Variants in CYRIB observed in about 807,000 individuals in gnomAD.
CYRIB encodes the protein CYFIP-related Rac1 interactor B.
Under a neutral mutation model 44.2 loss-of-function variants are expected in CYRIB, and 8 were observed. That is an observed-to-expected ratio of 0.18 (90% CI 0.11 to 0.33). The LOEUF (loss-of-function observed/expected upper bound fraction) is 0.33. CYRIB is among the 10% of genes least tolerant of loss of function. The pLI is 1.00. For missense variants in CYRIB, 185 were observed against 382.8 expected (o/e 0.48, Z 4.31); for synonymous variants, 131 against 127.2 (o/e 1.03, Z -0.20).
intron 1 of CYRIB, among the ~76,000 whole-genome samples, chr8:129,938,375 T>C (rs1279062009): frequency 1.3e-5 from 2 of 152,220 alleles, no homozygotes; most frequent in Non-Finnish European, 2.9e-5. Flanking sequence ...CTTTTAGCTA[T>C]ATAAAACACT....
intron 1 of CYRIB, among the ~76,000 whole-genome samples, chr8:129,973,454 C>G (rs765002264): frequency 5.7e-4 from 87 of 152,288 alleles, no homozygotes; most frequent in Admixed American, 1.4e-3. Context: ...GGGCCAGGTG[C>G]CCCCCTGAGG....
At chr8:129,894,906 G>C (rs2067153034) in intron 2 of CYRIB, among the ~76,000 whole-genome samples, 1 of 149,852 alleles carries the variant, frequency 6.7e-6, no homozygotes, top group Admixed American at 6.7e-5. Context: ...CAAACTGAGT[G>C]TTAGAAATAT....
intron 2 of CYRIB, among the ~76,000 whole-genome samples, chr8:129,966,536 A>C (rs2095485972): frequency 6.6e-6 from 1 of 152,154 alleles, no homozygotes; most frequent in South Asian, 2.1e-4. Flanking sequence ...ACTTCTTAAA[A>C]ATTCCACACC....
At chr8:129,902,149 G>A (rs1252634198) in intron 2 of CYRIB, among the ~76,000 whole-genome samples, 1 of 152,150 alleles carries the variant, frequency 6.6e-6, no homozygotes, top group Non-Finnish European at 1.5e-5. Context: ...TAACAATTCT[G>A]AAGGACTGTC....
At chr8:129,880,488 T>C in intron 2 of CYRIB, 3 of 974,572 alleles carry the variant, frequency 3.1e-6, no homozygotes, top group Non-Finnish European at 3.7e-6. Flanking sequence ...CATCATTTAG[T>C]TCCAGTAAAA....
intron 2 of CYRIB, 137 bp downstream of exon 2, chr8:129,970,806 G>A (rs1346123948): frequency 6.6e-6 from 1 of 152,186 alleles, no homozygotes; most frequent in Non-Finnish European, 1.5e-5. Flanking sequence ...AGAGGTAGGA[G>A]GTTCTTATTT....
chr8:129,886,436 A>G (rs925489652), intron 2 of CYRIB, among the ~76,000 whole-genome samples: 1 of 152,210 alleles, frequency 6.6e-6, no homozygotes, highest in Middle Eastern at 3.2e-3. Context: ...TGGCATAAAT[A>G]CATTTATTTC....
intron 3 of CYRIB, among the ~76,000 whole-genome samples, chr8:129,872,840 T>C (rs1284438150): frequency 1.3e-5 from 2 of 152,046 alleles, no homozygotes; most frequent in African/African-American, 4.8e-5. Flanking sequence ...TAACTAGACT[T>C]TTCTGCTCCT....
intron 1 of CYRIB, among the ~76,000 whole-genome samples, chr8:129,915,550 C>A (rs755802957): frequency 6.6e-6 from 1 of 152,054 alleles, no homozygotes; most frequent in Non-Finnish European, 1.5e-5. Context: ...TGACTGGCGT[C>A]TAGGGGCAGG....
intron 2 of CYRIB, among the ~76,000 whole-genome samples, chr8:129,967,947 G>A (rs778334371): frequency 1.3e-4 from 20 of 152,062 alleles, no homozygotes; most frequent in South Asian, 4.2e-4. Flanking sequence ...TCTCTTTATC[G>A]CTTAGTGCCT....
At chr8:130,007,951 G>A (rs543284944) in intron 1 of CYRIB, among the ~76,000 whole-genome samples, 1 of 152,286 alleles carries the variant, frequency 6.6e-6, no homozygotes, top group East Asian at 1.9e-4. Flanking sequence ...GCTCACGCCT[G>A]TAATCCCAGC....
chr8:129,904,931 G>C (rs2135914918), intron 1 of CYRIB, among the ~76,000 whole-genome samples: 1 of 152,298 alleles, frequency 6.6e-6, no homozygotes, highest in East Asian at 1.9e-4. Context: ...AAATAAACGT[G>C]TGTGTTTATC....
chr8:130,013,794 T>C (rs560859834), intron 1 of CYRIB, among the ~76,000 whole-genome samples: 2 of 152,240 alleles, frequency 1.3e-5, no homozygotes, highest in African/African-American at 4.8e-5. Context: ...GGACAACCAT[T>C]TCAAGGTCAA....
intron 11 of CYRIB, among the ~76,000 whole-genome samples, chr8:129,845,435 C>T (rs1037749651): frequency 2.0e-5 from 3 of 152,068 alleles, no homozygotes; most frequent in African/African-American, 4.8e-5. Context: ...CTGAAGTATG[C>T]GTTGTAAAAA....
intron 2 of CYRIB, among the ~76,000 whole-genome samples, chr8:129,952,758 T>G (rs879312435): frequency 2.0e-4 from 30 of 152,126 alleles, no homozygotes; most frequent in Admixed American, 6.5e-5. Flanking sequence ...AGTTACTCTA[T>G]TAATGGAAAT....
At chr8:129,987,657 C>T (rs536491706) in intron 1 of CYRIB, among the ~76,000 whole-genome samples, 98 of 151,468 alleles carry the variant, frequency 6.5e-4, no homozygotes, top group African/African-American at 2.4e-3. Context: ...GCAACCTCCA[C>T]CTCCTAGGTT....
chr8:129,852,206 T>G, exon 8 of CYRIB: 1 of 1,571,634 alleles, frequency 6.4e-7, no homozygotes, highest in Non-Finnish European at 8.6e-7. Context: ...GTTTTCAGCA[T>G]TGGAGTTGCC....
At chr8:129,860,591 A>C (rs1166107951) in intron 5 of CYRIB, among the ~76,000 whole-genome samples, 2 of 152,222 alleles carry the variant, frequency 1.3e-5, no homozygotes, top group African/African-American at 4.8e-5. Flanking sequence ...TACATTTAAC[A>C]GGCTGTACTG....
At chr8:129,986,080 T>C (rs756146981) in intron 1 of CYRIB, among the ~76,000 whole-genome samples, 23 of 152,234 alleles carry the variant, frequency 1.5e-4, no homozygotes, top group Non-Finnish European at 2.6e-4. Flanking sequence ...AGGGCACCAG[T>C]AGAGGCTTCC....
Sources: allele counts gnomAD v4.1 joint callset (sites outside exome capture counted in the v4.1 genomes callset), GRCh38; gene constraint gnomAD v4.1.1; transcripts MANE v1.5; gene names NCBI Gene and HGNC (gene_info 2026-07-23, HGNC 2026-07-21).